CCDC60: variants seen among roughly 807,000 people sequenced by gnomAD.
CCDC60 encodes the protein coiled-coil domain-containing protein 60.
In CCDC60, 54 loss-of-function variants were observed where a neutral mutation model predicts 63.5. The observed-to-expected ratio is 0.85, with a 90% confidence interval of 0.68 to 1.07. The LOEUF (loss-of-function observed/expected upper bound fraction) is 1.07. CCDC60 is among the 50% of genes least tolerant of loss of function. The probability of loss-of-function intolerance (pLI) is 0.00; values close to 1 mark genes in which losing one functional copy is unlikely to be tolerated. For missense variants in CCDC60, 651 were observed against 684.3 expected, an observed-to-expected ratio of 0.95 and a Z score of 0.54; for synonymous variants, 206 against 238.8, an observed-to-expected ratio of 0.86 and a Z score of 1.27.
chr12:119,346,768 ATCTTTCTCTT>A (rs1565964608), intron 1 of CCDC60, among the ~76,000 whole-genome samples: 1 of 146,480 alleles, frequency 6.8e-6, no homozygotes, highest in Non-Finnish European at 1.5e-5. Flanking sequence ...GCTTAGACTC[ATCTTTCTCTT>A]TCTTTCTTTC....
At chr12:119,379,161 G>C (rs1955984447) in intron 1 of CCDC60, among the ~76,000 whole-genome samples, 1 of 152,276 alleles carries the variant, frequency 6.6e-6, no homozygotes, top group African/African-American at 2.4e-5. Flanking sequence ...GCTAAAAATA[G>C]TTGTTGCTGC....
chr12:119,495,668 G>C (rs1262742716), intron 5 of CCDC60, among the ~76,000 whole-genome samples: 1 of 152,058 alleles, frequency 6.6e-6, no homozygotes. Flanking sequence ...ATTTAAATTA[G>C]TTTTCCCTTA....
intron 11 of CCDC60, among the ~76,000 whole-genome samples, chr12:119,524,702 G>GTTTCT (rs1173487458): frequency 9.9e-5 from 12 of 121,458 alleles, no homozygotes; most frequent in East Asian, 2.6e-4. Flanking sequence ...GGAAACAGCA[G>GTTTCT]TTTCTTTTCT....
intron 7 of CCDC60, among the ~76,000 whole-genome samples, chr12:119,514,665 A>T (rs1012245366): frequency 6.6e-6 from 1 of 152,214 alleles, no homozygotes; most frequent in South Asian, 2.1e-4. Context: ...TTATAAAGTA[A>T]AAAAGTACAG....
chr12:119,506,623 A>G (rs915308293), intron 7 of CCDC60, among the ~76,000 whole-genome samples: 6 of 151,976 alleles, frequency 3.9e-5, no homozygotes, highest in African/African-American at 9.7e-5. Context: ...AAAAGAGAAA[A>G]GAAGAGAAGA....
At chr12:119,539,732 G>GA (rs1266273276) in intron 13 of CCDC60, among the ~76,000 whole-genome samples, 3 of 152,160 alleles carry the variant, frequency 2.0e-5, no homozygotes, top group Non-Finnish European at 4.4e-5. Context: ...AGGGGTATAA[G>GA]AAAAAAACTC....
intron 1 of CCDC60, among the ~76,000 whole-genome samples, chr12:119,345,764 G>A (rs1955585401): frequency 6.6e-6 from 1 of 152,000 alleles, no homozygotes; most frequent in South Asian, 2.1e-4. Context: ...CTGGTTCCCA[G>A]CTCTCTCACT....
intron 1 of CCDC60, among the ~76,000 whole-genome samples, chr12:119,358,599 T>G (rs1235616087): frequency 1.3e-5 from 2 of 152,124 alleles, no homozygotes; most frequent in Non-Finnish European, 2.9e-5. Flanking sequence ...CCAGACATGG[T>G]CCTCCTTCTC....
rs1950909601 is a variant in CCDC60, at chr12:119,464,202, C to A, written c.171-7792C>A. ...CTTCAATGTATGAATTTGGGGAGGA[C>A]ACAACTGAATCCATAGCACACACAT... On this transcript the variant is annotated intron_variant, in intron 2 of 13. Transcript: ENST00000327554. 1.4e-5 allele frequency among the ~76,000 whole-genome samples: 2 copies of A among 144,376 alleles called. 1 individual carries two copies. Among genetic ancestry groups the A allele is most frequent in the Non-Finnish European group, 3.0e-5 (2 of 66,544 alleles). The allele number at this position is 144,376 out of a possible 152,430, so 94.7% of individuals were successfully genotyped here.
intron 5 of CCDC60, among the ~76,000 whole-genome samples, chr12:119,499,254 T>C (rs1183114907): frequency 6.6e-6 from 1 of 152,108 alleles, no homozygotes; most frequent in Non-Finnish European, 1.5e-5. Context: ...CAGTCTCCTA[T>C]CCAGAAAATT....
intron 4 of CCDC60, among the ~76,000 whole-genome samples, chr12:119,482,111 CACATATATAT>C (rs903234081): frequency 1.4e-5 from 2 of 143,928 alleles, no homozygotes; most frequent in Non-Finnish European, 3.0e-5. Flanking sequence ...CATATATACA[CACATATATAT>C]ACATATATAT....
At chr12:119,439,955 C>T (rs935119276) in intron 2 of CCDC60, among the ~76,000 whole-genome samples, 2 of 151,932 alleles carry the variant, frequency 1.3e-5, no homozygotes, top group Non-Finnish European at 2.9e-5. Context: ...TCTCAGCAAA[C>T]ACAGGAATTG....
intron 2 of CCDC60, among the ~76,000 whole-genome samples, chr12:119,430,673 A>AAAAAAAAAG: frequency 6.6e-6 from 1 of 151,330 alleles, no homozygotes; most frequent in Non-Finnish European, 1.5e-5. Context: ...TCTCCAAAAA[A>AAAAAAAAAG]AAAAAAAAGT....
At chr12:119,383,239 T>G (rs1323489460) in intron 1 of CCDC60, among the ~76,000 whole-genome samples, 1 of 152,184 alleles carries the variant, frequency 6.6e-6, no homozygotes, top group Admixed American at 6.5e-5. Context: ...AGATTCTATC[T>G]CTACAAAAAT....
At chr12:119,339,229 C>G (rs1259069403) in intron 1 of CCDC60, among the ~76,000 whole-genome samples, 1 of 152,152 alleles carries the variant, frequency 6.6e-6, no homozygotes, top group Admixed American at 6.5e-5. Flanking sequence ...CCCACGATTT[C>G]TGCCTTGGAA....
chr12:119,351,087 A>G (rs968271840), intron 1 of CCDC60, among the ~76,000 whole-genome samples: 5 of 152,326 alleles, frequency 3.3e-5, no homozygotes, highest in Admixed American at 2.0e-4. Flanking sequence ...CTCTTGAGCA[A>G]TCCCAATGGT....
In CCDC60 at chr12:119,520,201, G is replaced by T; in HGVS notation, c.1040+9G>T. 6.2e-7 allele frequency: 1 copy of T among 1,612,920 alleles called. No homozygotes were observed. Among genetic ancestry groups the T allele is most frequent in the Non-Finnish European group, 8.5e-7 (1 of 1,179,374 alleles). Reference sequence around the variant, plus strand: ...ACCACTCTCAAATCAAGGTAGGAAAGCCTGGAGCCTGCAGCAGGTGCCTCC... The same window carrying T: ...ACCACTCTCAAATCAAGGTAGGAAATCCTGGAGCCTGCAGCAGGTGCCTCC... On this transcript the variant is annotated intron_variant, in intron 9 of 13. Coordinates refer to ENST00000327554, the MANE Select transcript of CCDC60 (RefSeq NM_178499.5).
At position 119,384,151 on chromosome 12, in the gene CCDC60, G is replaced by A. The variant is rs555640453; in HGVS notation, c.91-44532G>A. On this transcript the variant is annotated intron_variant, in intron 1 of 13. Transcript: ENST00000327554. ...GTGGAGCTTGCAGTGAGCTGACATC[G>A]TGCCACTACACTCCAGCCTAGGGGA... 3.3e-5 allele frequency among the ~76,000 whole-genome samples: 5 copies of A among 151,924 alleles called. No homozygotes were observed. In the East Asian group the frequency reaches 5.8e-4, roughly 18 times the overall value.
chr12:119,381,559 T>C (rs1380810955), intron 1 of CCDC60, among the ~76,000 whole-genome samples: 1 of 152,202 alleles, frequency 6.6e-6, no homozygotes, highest in African/African-American at 2.4e-5. Flanking sequence ...ATCCTGATAC[T>C]CAGACTCAGT....
Sources: gnomAD v4.1 joint callset for allele counts (sites outside exome capture counted in the v4.1 genomes callset) on GRCh38, gnomAD v4.1.1 for gene constraint, MANE v1.5 for transcripts, NCBI Gene and HGNC (gene_info 2026-07-23, HGNC 2026-07-21) for gene names.